The following HPSE2 variants were observed in gnomAD, a reference collection of about 807,000 sequenced individuals.
The protein encoded by HPSE2 is heparanase 2 (inactive).
In HPSE2, 38 loss-of-function variants were observed where a neutral mutation model predicts 60.5. The ratio of observed to expected loss-of-function variants is 0.63; its 90% CI spans 0.48 to 0.82. HPSE2 has a LOEUF of 0.82. HPSE2 is among the 40% of genes least tolerant of loss of function. The pLI is 0.00. For missense variants in HPSE2, 713 were observed against 740.4 expected, an observed-to-expected ratio of 0.96 and a Z score of 0.43; for synonymous variants, 295 against 293.2, an observed-to-expected ratio of 1.01 and a Z score of -0.06.
chr10:98,733,883 A>G (rs188873198), intron 4 of HPSE2, among the ~76,000 whole-genome samples: 2 of 152,278 alleles, frequency 1.3e-5, no homozygotes, highest in Admixed American at 1.3e-4. Context: ...CATACAATTC[A>G]CCAATTTCAT....
intron 3 of HPSE2, among the ~76,000 whole-genome samples, chr10:99,032,396 T>A (rs1360146740): frequency 6.6e-6 from 1 of 152,176 alleles, no homozygotes; most frequent in Non-Finnish European, 1.5e-5. Flanking sequence ...AAATCAATAA[T>A]CTTCAACACG....
Position 99,093,325 on chromosome 10 carries a change from GA to G in HPSE2, c.610+50912del, listed in dbSNP as rs527704286. 8.5e-4 allele frequency among the ~76,000 whole-genome samples: 129 copies of G among 151,774 alleles called. 1 individual carries two copies. The highest frequency in any genetic ancestry group is 3.0e-3 in the African/African-American group (122 of 41,354). On this transcript the variant is annotated intron_variant, in intron 3 of 11. Transcript: ENST00000370552. ...AACTGTCTTGTTAAAATTTTTGCATGAGAATATTTTCCTGAAAAAAAAAACT... is the reference window on the plus strand; with the variant it reads ...AACTGTCTTGTTAAAATTTTTGCATGGAATATTTTCCTGAAAAAAAAAACT...
the HPSE2 span, among the ~76,000 whole-genome samples, chr10:99,241,226 C>T: frequency 1.3e-5 from 2 of 152,106 alleles, no homozygotes; most frequent in Non-Finnish European, 2.9e-5. Context: ...TATTGTATAA[C>T]CCTCCAGAAC....
chr10:98,973,804 C>A (rs560820322), intron 3 of HPSE2, among the ~76,000 whole-genome samples: 51 of 150,836 alleles, frequency 3.4e-4, no homozygotes, highest in African/African-American at 1.2e-3. Flanking sequence ...TCCAACTTTC[C>A]TTTCTACTAA....
At chr10:98,788,739 C>G (rs918583674) in intron 3 of HPSE2, among the ~76,000 whole-genome samples, 105 of 151,764 alleles carry the variant, frequency 6.9e-4, no homozygotes, top group Middle Eastern at 3.4e-3. Flanking sequence ...TTCTTTGACT[C>G]GGAAAGGGAA....
rs1222127653 is a variant in HPSE2 at position 98,504,164 on chromosome 10, ACAT to A, written c.1321-13971_1321-13969del. On this transcript the variant is annotated intron_variant, in intron 9 of 11. Transcript: ENST00000370552. ...ATTAGATCTCTATCCTCAGTTCTGC[ACAT>A]CATCTCCTTTCTGATTATTTTTTAA... Among the ~76,000 whole-genome samples the A allele has an allele frequency of 3.9e-5, 6 of 152,180 alleles. No homozygotes were observed. In the East Asian group the frequency reaches 1.2e-3, roughly 29 times the overall value.
chr10:98,865,617 A>G (rs1952568673), intron 3 of HPSE2, among the ~76,000 whole-genome samples: 1 of 152,178 alleles, frequency 6.6e-6, no homozygotes, highest in Admixed American at 6.5e-5. Flanking sequence ...GCATGGAGAC[A>G]TAACTCTAGA....
chr10:98,726,288 T>C (rs181562089), intron 4 of HPSE2, among the ~76,000 whole-genome samples: 26 of 152,204 alleles, frequency 1.7e-4, no homozygotes, highest in Admixed American at 1.3e-3. Flanking sequence ...ATATACACCA[T>C]GGAATACTAT....
chr10:98,877,107 CT>C (rs1193696091), intron 3 of HPSE2, among the ~76,000 whole-genome samples: 1 of 151,776 alleles, frequency 6.6e-6, no homozygotes, highest in African/African-American at 2.4e-5. Context: ...TGTACAAATT[CT>C]TTTTAGAAAA....
intron 3 of HPSE2, among the ~76,000 whole-genome samples, chr10:98,949,139 T>C (rs1955276731): frequency 6.6e-6 from 1 of 152,036 alleles, no homozygotes; most frequent in Non-Finnish European, 1.5e-5. Context: ...TTCACCCACA[T>C]ACAAAAACAA....
At chr10:98,704,484 G>A (rs1948494589) in intron 5 of HPSE2, among the ~76,000 whole-genome samples, 1 of 151,882 alleles carries the variant, frequency 6.6e-6, no homozygotes, top group African/African-American at 2.4e-5. Flanking sequence ...GGAAGCTAGA[G>A]GCATCATGCT....
chr10:99,310,536 A>G, the HPSE2 span, among the ~76,000 whole-genome samples: 1 of 152,198 alleles, frequency 6.6e-6, no homozygotes, highest in Non-Finnish European at 1.5e-5. Flanking sequence ...ATTTTTAAAG[A>G]TATTTTTAAA....
chr10:99,114,398 A>G (rs1844590939), intron 3 of HPSE2, among the ~76,000 whole-genome samples: 1 of 152,222 alleles, frequency 6.6e-6, no homozygotes, highest in Admixed American at 6.5e-5. Flanking sequence ...TGCTTCTCAT[A>G]CTGAGAAAAC....
intron 3 of HPSE2, among the ~76,000 whole-genome samples, chr10:98,779,277 T>C (rs976888546): frequency 2.0e-5 from 3 of 152,152 alleles, no homozygotes; most frequent in Non-Finnish European, 4.4e-5. Context: ...AAAATAATAC[T>C]TTTAAATCAC....
At chr10:99,254,475 C>A in the HPSE2 span, among the ~76,000 whole-genome samples, 3 of 151,966 alleles carry the variant, frequency 2.0e-5, no homozygotes, top group Non-Finnish European at 4.4e-5. Flanking sequence ...ATCATTTGTA[C>A]CCCAAACCTC....
At chr10:99,102,997 C>T (rs1233863109) in intron 3 of HPSE2, among the ~76,000 whole-genome samples, 1 of 152,156 alleles carries the variant, frequency 6.6e-6, no homozygotes, top group Admixed American at 6.6e-5. Flanking sequence ...ATAATAAGAG[C>T]TATTTATGAC....
At chr10:99,168,380 A>T (rs1847170655) in intron 2 of HPSE2, among the ~76,000 whole-genome samples, 1 of 152,144 alleles carries the variant, frequency 6.6e-6, no homozygotes, top group Non-Finnish European at 1.5e-5. Context: ...CCTCTATAAA[A>T]ATGCAACTGG....
chr10:99,079,955 G>A (rs531555923), intron 3 of HPSE2, among the ~76,000 whole-genome samples: 56 of 152,254 alleles, frequency 3.7e-4, no homozygotes, highest in Non-Finnish European at 6.2e-4. Flanking sequence ...GAGAAGCTGA[G>A]AATTAGGAGG....
chr10:98,565,328 C>T (rs140211880), intron 9 of HPSE2, among the ~76,000 whole-genome samples: 3 of 151,116 alleles, frequency 2.0e-5, no homozygotes, highest in Non-Finnish European at 4.4e-5. Flanking sequence ...CTCCCCTTGT[C>T]CCCCACCCCC....
Sources: gnomAD v4.1 joint callset for allele counts (sites outside exome capture counted in the v4.1 genomes callset) on GRCh38, gnomAD v4.1.1 for gene constraint, MANE v1.5 for transcripts, NCBI Gene and HGNC (gene_info 2026-07-23, HGNC 2026-07-21) for gene names.